Variants in KLHL3 observed in about 807,000 individuals in gnomAD.
KLHL3 encodes the protein kelch-like protein 3.
Under a neutral mutation model 70.5 loss-of-function variants are expected in KLHL3, and 19 were observed. The observed-to-expected ratio is 0.27, with a 90% CI of 0.19 to 0.40. The LOEUF (loss-of-function observed/expected upper bound fraction) is 0.40, where lower values mean the gene tolerates loss of function less well. Ranked by LOEUF, KLHL3 falls within the 10% of genes least tolerant of loss-of-function variation. The pLI, the probability that KLHL3 is intolerant of heterozygous loss-of-function variation, is 1.00. For missense variants in KLHL3, 512 were observed against 771.1 expected (o/e 0.66, Z 3.98); for synonymous variants, 258 against 290.3 (o/e 0.89, Z 1.13).
intron 5 of KLHL3, among the ~76,000 whole-genome samples, chr5:137,687,252 G>C (rs1320399304): frequency 5.1e-5 from 2 of 39,590 alleles, no homozygotes; most frequent in African/African-American, 2.5e-4. Flanking sequence ...GAGGCGCGGG[G>C]GGGGGTCGGC....
chr5:137,716,255 G>T (rs1291154006), intron 2 of KLHL3, among the ~76,000 whole-genome samples: 1 of 150,824 alleles, frequency 6.6e-6, no homozygotes, highest in East Asian at 1.9e-4. Context: ...TCACTATGTT[G>T]CCCAGGCTGG....
intron 1 of KLHL3, chr5:137,725,045 CT>C: frequency 1.0e-6 from 1 of 985,154 alleles, no homozygotes; most frequent in Non-Finnish European, 1.2e-6. Context: ...TCCCCTAAAC[CT>C]TTTTCCCTCC....
intron 8 of KLHL3, among the ~76,000 whole-genome samples, chr5:137,644,799 T>A (rs988339925): frequency 1.2e-4 from 18 of 152,328 alleles, no homozygotes; most frequent in Middle Eastern, 3.4e-3. Context: ...GAGGGAATAC[T>A]TCCAGATTTA....
At chr5:137,671,230 C>A (rs1456193219) in intron 6 of KLHL3, among the ~76,000 whole-genome samples, 3 of 152,110 alleles carry the variant, frequency 2.0e-5, no homozygotes, top group Admixed American at 2.0e-4. Flanking sequence ...TAGGAATAGT[C>A]CTACTATTCC....
At chr5:137,707,462 T>C (rs1752707391) in intron 3 of KLHL3, 1 of 152,212 alleles carries the variant, frequency 6.6e-6, no homozygotes, top group Non-Finnish European at 1.5e-5. Flanking sequence ...ACTGTACACA[T>C]TAAATGAACT....
chr5:137,683,143 TG>T (rs1752075846), intron 5 of KLHL3, among the ~76,000 whole-genome samples: 1 of 152,126 alleles, frequency 6.6e-6, no homozygotes, highest in Admixed American at 6.5e-5. Context: ...CTTTTAACAT[TG>T]GGAAGATATG....
chr5:137,677,502 C>G, intron 6 of KLHL3, 43 bp downstream of exon 6: 1 of 1,168,788 alleles, frequency 8.6e-7, no homozygotes, highest in Non-Finnish European at 1.2e-6. Context: ...CCATGACCAC[C>G]TGACGAGTGA....
chr5:137,722,415 T>A (rs137952655), intron 1 of KLHL3, among the ~76,000 whole-genome samples: 4 of 152,250 alleles, frequency 2.6e-5, no homozygotes, highest in Admixed American at 2.6e-4. Flanking sequence ...GAGGAAGATA[T>A]GCACAAAGGA....
intron 4 of KLHL3, among the ~76,000 whole-genome samples, chr5:137,692,917 A>AG: frequency 6.6e-6 from 1 of 152,108 alleles, no homozygotes; most frequent in South Asian, 2.1e-4. Flanking sequence ...ACTGATGTCT[A>AG]GGTCTTGCCC....
chr5:137,664,656 CA>C (rs35778509), intron 6 of KLHL3, among the ~76,000 whole-genome samples: 52,797 of 145,626 alleles, frequency 0.36, 9,863 homozygotes, highest in East Asian at 0.54. Context: ...ATCTCTACTA[CA>C]AAAAAAAAAA....
chr5:137,618,784 A>G lies in KLHL3; in HGVS notation c.*3314T>C, dbSNP rs1411299410. 1 of 151,844 alleles carries G rather than the reference A, an allele frequency of 6.6e-6. No individual in the cohort carries two copies. The highest frequency in any genetic ancestry group is 1.5e-5 in the Non-Finnish European group (1 of 67,972). 9.4% of individuals were successfully genotyped at this position (151,844 alleles called of 1,614,324 possible). The stretch of plus-strand genomic sequence containing the variant: ...CAAAAAAAAAAAAAAAGACACAATC[A>G]ATACAGACGGGCAAGTGCTGAGTCG... On this transcript the variant is annotated 3_prime_UTR_variant, in exon 15 of 15. Transcript: ENST00000309755.
rs1471723851 is a variant in KLHL3, at chr5:137,698,387, G to A, written c.263C>T (p.Ala88Val). The A allele has an allele frequency of 3.1e-6, 5 of 1,613,928 alleles. No individual in the cohort carries two copies. Among genetic ancestry groups the A allele is most frequent in the African/African-American group, 1.3e-5 (1 of 74,868 alleles). ...CACGTCCTTGATTTCTATCTTTTTGGCTTTACTCTCAGACATGTCACCTAG... is the reference window on the plus strand; with the variant it reads ...CACGTCCTTGATTTCTATCTTTTTGACTTTACTCTCAGACATGTCACCTAG... The part of the protein sequence containing the change: ...MFTGDMSESK[A>V]KKIEIKDVDG... The change falls in exon 4 of 15, where the codon GCC (alanine) becomes GTC (valine). Residue 88 changes from alanine (A) to valine (V), a missense_variant. By Grantham distance (64) the Ala-to-Val change is moderately conservative (BLOSUM62 0). Transcript: ENST00000309755.
rs565735726 is a variant in KLHL3, at chr5:137,717,657, T to C, written c.134+2808A>G. 3.4e-4 allele frequency among the ~76,000 whole-genome samples: 52 copies of C among 152,376 alleles called. No individual in the cohort carries two copies. In the South Asian group the frequency reaches 0.01, roughly 30 times the overall value. Reference sequence around the variant, plus strand: ...TATTCTAAAGAAGAGAGGTATACTGTCCAAAGTATTACAATGGTTACCACT... The same window carrying C: ...TATTCTAAAGAAGAGAGGTATACTGCCCAAAGTATTACAATGGTTACCACT... On this transcript the variant is annotated intron_variant, in intron 2 of 14. Coordinates refer to ENST00000309755, the MANE Select transcript of KLHL3 (RefSeq NM_017415.3).
intron 4 of KLHL3, among the ~76,000 whole-genome samples, chr5:137,696,389 G>A (rs1006782626): frequency 9.8e-5 from 15 of 152,306 alleles, no homozygotes; most frequent in African/African-American, 3.1e-4. Flanking sequence ...GTGATTAAGC[G>A]TCATTTTGAA....
At chr5:137,623,542 C>T (rs1400018711) in intron 14 of KLHL3, among the ~76,000 whole-genome samples, 1 of 152,078 alleles carries the variant, frequency 6.6e-6, no homozygotes, top group East Asian at 1.9e-4. Flanking sequence ...TTTCATATAA[C>T]CTTTATCTTA....
At chr5:137,628,085 C>G (rs1028296362) in intron 13 of KLHL3, 10 of 581,358 alleles carry the variant, frequency 1.7e-5, no homozygotes, top group African/African-American at 1.7e-4. Context: ...AGGGGATCCT[C>G]TGCATCTAGG....
chr5:137,698,553 G>C (rs1354011600), intron 3 of KLHL3, 145 bp from the exon 4 acceptor site: 16 of 884,416 alleles, frequency 1.8e-5, no homozygotes, highest in Non-Finnish European at 2.3e-5. Flanking sequence ...GCACAGAAGA[G>C]GATAAACCAG....
At position 137,692,978 on chromosome 5, in the gene KLHL3, T is replaced by G. The variant is rs76808537; in HGVS notation, c.364-531A>C. On this transcript the variant is annotated intron_variant, in intron 4 of 14. Coordinates refer to ENST00000309755, the MANE Select transcript of KLHL3 (RefSeq NM_017415.3). Reference sequence around the variant, plus strand: ...GGAGTGTGGCCTGGACATTAAGATGTTTTTTAAAGCTCCCCAGGTGCTTCT... The same window carrying G: ...GGAGTGTGGCCTGGACATTAAGATGGTTTTTAAAGCTCCCCAGGTGCTTCT... Among the ~76,000 whole-genome samples the G allele has an allele frequency of 1.4e-3, 212 of 152,292 alleles. 3 individuals carry two copies. The East Asian group carries it at 0.019, about 14-fold the overall frequency.
chr5:137,708,365 T>C (rs947344930), intron 3 of KLHL3, among the ~76,000 whole-genome samples: 1 of 152,200 alleles, frequency 6.6e-6, no homozygotes, highest in African/African-American at 2.4e-5. Flanking sequence ...TCAGCAAAAA[T>C]GTGCCTGCAC....
Sources: gnomAD v4.1 joint callset for allele counts (sites outside exome capture counted in the v4.1 genomes callset) on GRCh38, gnomAD v4.1.1 for gene constraint, MANE v1.5 for transcripts, NCBI Gene and HGNC (gene_info 2026-07-23, HGNC 2026-07-21) for gene names.